The following NEDD9 variants were observed in gnomAD, a reference collection of about 807,000 sequenced individuals.
The protein encoded by NEDD9 is neural precursor cell expressed, developmentally down-regulated 9.
In NEDD9, 26 loss-of-function variants were observed where a neutral mutation model predicts 76.6. That is an observed-to-expected ratio of 0.34 (90% CI 0.25 to 0.47). The LOEUF (loss-of-function observed/expected upper bound fraction) is 0.47, where lower values mean the gene tolerates loss of function less well. Among genes scored for constraint, NEDD9 ranks in the 20% least tolerant of loss-of-function variants. The pLI is 1.00. For missense variants in NEDD9, 937 were observed against 1,058.5 expected (o/e 0.89, Z 1.59); for synonymous variants, 392 against 414.2 (o/e 0.95, Z 0.65).
At chr6:11,265,392 C>T (rs560191126) in intron 3 of NEDD9, among the ~76,000 whole-genome samples, 1 of 152,266 alleles carries the variant, frequency 6.6e-6, no homozygotes, top group East Asian at 1.9e-4. Context: ...CTGGTTTTCT[C>T]GATGACTTGA....
intron 1 of NEDD9, among the ~76,000 whole-genome samples, chr6:11,355,821 C>T (rs1762557067): frequency 6.6e-6 from 1 of 152,082 alleles, no homozygotes; most frequent in South Asian, 2.1e-4. Flanking sequence ...CCTGTGTTCA[C>T]ACCATTCTCC....
At chr6:11,273,739 G>GT (rs1389829771) in intron 3 of NEDD9, among the ~76,000 whole-genome samples, 2 of 152,248 alleles carry the variant, frequency 1.3e-5, no homozygotes, top group Non-Finnish European at 2.9e-5. Context: ...TAGGGCAACC[G>GT]TGAGTAGAGC....
intron 1 of NEDD9, among the ~76,000 whole-genome samples, chr6:11,222,979 C>G (rs574447109): frequency 2.2e-4 from 34 of 152,282 alleles, no homozygotes; most frequent in African/African-American, 7.9e-4. Context: ...TGGGTACGGG[C>G]AATGTTTAGT....
rs1762324094 is a variant in NEDD9 at position 11,344,225 on chromosome 6, C to A, written c.-213-9664G>T. Among the ~76,000 whole-genome samples, 2 of 152,172 alleles carry A rather than the reference C, an allele frequency of 1.3e-5. 1 individual carries two copies. The highest frequency in any genetic ancestry group is 4.1e-4 in the South Asian group (2 of 4,826). The stretch of plus-strand genomic sequence containing the variant: ...ATATGTGATAGACATAATATTCTAA[C>A]ATGAATGTGAGCGCAATTCCACAGT... On this transcript the variant is annotated intron_variant, in intron 1 of 3. Coordinates refer to the NEDD9 transcript ENST00000397378.
intron 2 of NEDD9, among the ~76,000 whole-genome samples, chr6:11,316,399 C>T (rs964138295): frequency 1.3e-5 from 2 of 152,180 alleles, no homozygotes; most frequent in Non-Finnish European, 2.9e-5. Context: ...CTCACTCCCA[C>T]GTCTGATCGT....
intron 1 of NEDD9, among the ~76,000 whole-genome samples, chr6:11,361,999 T>G (rs1385599922): frequency 2.0e-5 from 3 of 152,210 alleles, no homozygotes; most frequent in Non-Finnish European, 4.4e-5. Flanking sequence ...CTTCATGAAT[T>G]GTGCTGTGCT....
At chr6:11,337,229 C>G (rs1582037521) in intron 1 of NEDD9, among the ~76,000 whole-genome samples, 1 of 152,036 alleles carries the variant, frequency 6.6e-6, no homozygotes, top group Non-Finnish European at 1.5e-5. Context: ...AAAACAAAAA[C>G]AAAAACAAAA....
In NEDD9 at chr6:11,339,842, A is replaced by G. The variant is rs976875547; in HGVS notation, c.-213-5281T>C. On this transcript the variant is annotated intron_variant, in intron 1 of 3. Transcript: ENST00000397378. ...ACAACTGGGAAATGCTTCTTGTTAAACAAGACTGTGCTTGCATTTGTCATC... is the reference window on the plus strand; with the variant it reads ...ACAACTGGGAAATGCTTCTTGTTAAGCAAGACTGTGCTTGCATTTGTCATC... 9.2e-5 allele frequency among the ~76,000 whole-genome samples: 14 copies of G among 152,354 alleles called. 1 individual carries two copies. The highest frequency in any genetic ancestry group is 3.4e-4 in the African/African-American group (14 of 41,588).
chr6:11,357,418 C>T (rs906735598), intron 1 of NEDD9, among the ~76,000 whole-genome samples: 1 of 152,192 alleles, frequency 6.6e-6, no homozygotes, highest in Non-Finnish European at 1.5e-5. Context: ...CTACAGAGAC[C>T]TATTCATGGC....
intron 2 of NEDD9, among the ~76,000 whole-genome samples, chr6:11,313,230 GGATA>G (rs1313994350): frequency 6.7e-6 from 1 of 150,208 alleles, no homozygotes; most frequent in East Asian, 1.9e-4. Flanking sequence ...ATGGATGGAT[GGATA>G]AATGAATAGA....
In NEDD9 at chr6:11,192,428, A is replaced by T; in HGVS notation, c.580T>A (p.Ser194Thr). 1 of 1,611,004 alleles carries T rather than the reference A, an allele frequency of 6.2e-7. No individual in the cohort carries two copies. Among genetic ancestry groups the T allele is most frequent in the Non-Finnish European group, 8.5e-7 (1 of 1,178,960 alleles). Residue 194 changes from serine (S) to threonine (T), a missense_variant, in exon 4 of 7, where the codon TCA becomes ACA. Coordinates refer to ENST00000379446, the MANE Select transcript of NEDD9 (RefSeq NM_006403.4). ...GAAAACACAGGGCCTTTTGCTGATG[A>T]GGGAGGGATGTCGTATACCTGAAGA... The part of the protein sequence containing the change: ...TTQGVYDIPP[S>T]SAKGPVFSVP...
chr6:11,218,461 A>C (rs1759040630), intron 1 of NEDD9, among the ~76,000 whole-genome samples: 2 of 152,114 alleles, frequency 1.3e-5, no homozygotes, highest in South Asian at 4.2e-4. Context: ...TATCTATTCA[A>C]AGGCTGTTTC....
At chr6:11,270,278 T>C (rs1010269447) in intron 3 of NEDD9, among the ~76,000 whole-genome samples, 7 of 152,046 alleles carry the variant, frequency 4.6e-5, no homozygotes, top group Non-Finnish European at 7.4e-5. Flanking sequence ...GATTACAAAA[T>C]AGTAAGTAGT....
At chr6:11,189,532 A>G (rs1758074856) in intron 5 of NEDD9, among the ~76,000 whole-genome samples, 1 of 152,182 alleles carries the variant, frequency 6.6e-6, no homozygotes, top group South Asian at 2.1e-4. Context: ...CTTAATGACG[A>G]AAACTTTTTT....
At chr6:11,331,441 T>C (rs948407966) in intron 2 of NEDD9, among the ~76,000 whole-genome samples, 28 of 151,894 alleles carry the variant, frequency 1.8e-4, no homozygotes, top group Non-Finnish European at 3.8e-4. Flanking sequence ...TAAAAGGAAG[T>C]ATTATATAAA....
chr6:11,261,411 C>G (rs979441660), intron 3 of NEDD9, among the ~76,000 whole-genome samples: 1 of 152,180 alleles, frequency 6.6e-6, no homozygotes, highest in African/African-American at 2.4e-5. Context: ...ATGTTAAAAT[C>G]AGTCATAGAG....
chr6:11,326,720 T>C lies in NEDD9; in HGVS notation c.-153+7781A>G, dbSNP rs565942760. Reference sequence around the variant, plus strand: ...ACACAGGAGCACATGGGTGGCTGTCTGAGGCTTGGGCAAGGCCCTGGGCTT... The same window carrying C: ...ACACAGGAGCACATGGGTGGCTGTCCGAGGCTTGGGCAAGGCCCTGGGCTT... On this transcript the variant is annotated intron_variant, in intron 2 of 3. Coordinates refer to the NEDD9 transcript ENST00000397378. 7.2e-5 allele frequency among the ~76,000 whole-genome samples: 11 copies of C among 152,372 alleles called. 1 individual carries two copies. The South Asian group carries it at 2.3e-3, about 32-fold the overall frequency.
intron 1 of NEDD9, among the ~76,000 whole-genome samples, chr6:11,349,816 G>A (rs1001471008): frequency 2.0e-5 from 3 of 152,142 alleles, no homozygotes; most frequent in African/African-American, 7.2e-5. Flanking sequence ...AACAACTAAT[G>A]GGTACTAGGT....
chr6:11,255,712 G>A (rs1759990423), intron 3 of NEDD9, among the ~76,000 whole-genome samples: 1 of 152,066 alleles, frequency 6.6e-6, no homozygotes, highest in Non-Finnish European at 1.5e-5. Flanking sequence ...GCCATGCGAG[G>A]CCTTTTGAGA....
Sources: gnomAD v4.1 joint callset for allele counts (sites outside exome capture counted in the v4.1 genomes callset) on GRCh38, gnomAD v4.1.1 for gene constraint, MANE v1.5 for transcripts, NCBI Gene and HGNC (gene_info 2026-07-23, HGNC 2026-07-21) for gene names.